Variants in PXDNL observed in about 807,000 individuals in gnomAD.
PXDNL encodes the protein probable oxidoreductase PXDNL.
PXDNL carries 145 observed loss-of-function variants against 150.8 expected under a neutral mutation model. That is an observed-to-expected ratio of 0.96 (90% CI 0.84 to 1.10). PXDNL has a LOEUF of 1.10. Ranked by LOEUF, PXDNL falls within the 50% of genes least tolerant of loss-of-function variation. PXDNL has a pLI of 0.00. For missense variants in PXDNL, 2,087 were observed against 1,873.9 expected (o/e 1.11, Z -2.10); for synonymous variants, 757 against 725.7 (o/e 1.04, Z -0.69).
At chr8:51,436,193 A>G (rs1809403454) in intron 12 of PXDNL, 2 of 522,436 alleles carry the variant, frequency 3.8e-6, no homozygotes, top group African/African-American at 1.9e-5. Context: ...TATCATCCCA[A>G]AAGCCAACCA....
chr8:51,515,245 A>G (rs1811510816), intron 4 of PXDNL, among the ~76,000 whole-genome samples: 1 of 152,142 alleles, frequency 6.6e-6, no homozygotes, highest in Admixed American at 6.5e-5. Context: ...TCAGTGGAAG[A>G]GAGCTTAGAT....
chr8:51,497,920 C>A (rs992787890), intron 5 of PXDNL, among the ~76,000 whole-genome samples: 3 of 152,150 alleles, frequency 2.0e-5, no homozygotes, highest in African/African-American at 7.2e-5. Flanking sequence ...ACCCAGCCAT[C>A]CCATTACTGG....
At chr8:51,730,238 C>T (rs1027133067) in intron 1 of PXDNL, among the ~76,000 whole-genome samples, 2 of 152,078 alleles carry the variant, frequency 1.3e-5, no homozygotes, top group Non-Finnish European at 2.9e-5. Context: ...CTGTACTGTC[C>T]ACTCAATTTT....
In PXDNL at chr8:51,583,607, C is replaced by A. The variant is rs138838286; in HGVS notation, c.308+9020G>T. ...AAAATAAATGAATAATGTTCCTCTA[C>A]TATATCAGTTCATAGATTTTATGAG... On this transcript the variant is annotated intron_variant, in intron 3 of 22. Transcript: ENST00000356297. 2.4e-3 allele frequency among the ~76,000 whole-genome samples: 361 copies of A among 152,224 alleles called. 13 individuals are homozygous for A. In the East Asian group the frequency reaches 0.033, roughly 14 times the overall value.
chr8:51,738,669 A>T (rs1227886546), intron 1 of PXDNL, among the ~76,000 whole-genome samples: 13 of 152,186 alleles, frequency 8.5e-5, no homozygotes, highest in Non-Finnish European at 1.9e-4. Flanking sequence ...AAAAAATCAC[A>T]AACTACCAAA....
At chr8:51,639,470 A>G (rs1380321432) in intron 2 of PXDNL, among the ~76,000 whole-genome samples, 1 of 152,196 alleles carries the variant, frequency 6.6e-6, no homozygotes, top group Non-Finnish European at 1.5e-5. Context: ...ACTAATAAAG[A>G]AGAAAAGAGA....
intron 17 of PXDNL, among the ~76,000 whole-genome samples, chr8:51,398,506 G>A (rs1048572070): frequency 5.3e-5 from 8 of 152,230 alleles, no homozygotes; most frequent in African/African-American, 1.4e-4. Flanking sequence ...CAGCCAGACA[G>A]CAGCTTGCCA....
At chr8:51,443,310 G>T (rs1026999425) in intron 12 of PXDNL, among the ~76,000 whole-genome samples, 1 of 151,998 alleles carries the variant, frequency 6.6e-6, no homozygotes, top group Non-Finnish European at 1.5e-5. Flanking sequence ...ACACATGAGG[G>T]ATATGAAGAC....
In PXDNL at chr8:51,608,570, G is replaced by T. The variant is rs530275522; in HGVS notation, c.237-15872C>A. Among the ~76,000 whole-genome samples, 135 of 148,088 alleles carry T rather than the reference G, an allele frequency of 9.1e-4. 5 individuals are homozygous for T. The South Asian group carries it at 0.011, about 13-fold the overall frequency. ...AAAGTATTGCAGGCCGGGCGCGGTG[G>T]CTCACGCCTGTAATCCCAGCACTTT... On this transcript the variant is annotated intron_variant, in intron 2 of 22. Coordinates refer to ENST00000356297, the MANE Select transcript of PXDNL (RefSeq NM_144651.5).
In PXDNL at chr8:51,319,744, G is replaced by A. The variant is rs918478186; in HGVS notation, c.*147C>T. The stretch of plus-strand genomic sequence containing the variant: ...TTAGAAAATGAAAAAATAAAAGATC[G>A]TAAGTATATGTAAGATTAGATGAAC... On this transcript the variant is annotated 3_prime_UTR_variant, in exon 23 of 23. Coordinates refer to ENST00000356297, the MANE Select transcript of PXDNL (RefSeq NM_144651.5). 1.1e-5 allele frequency: 6 copies of A among 530,178 alleles called. No homozygotes were observed. The highest frequency in any genetic ancestry group is 2.0e-5 in the African/African-American group (1 of 50,656). The allele number at this position is 530,178 out of a possible 1,614,324, so 32.8% of individuals were successfully genotyped here.
At chr8:51,470,287 T>A (rs1209007582) in intron 8 of PXDNL, among the ~76,000 whole-genome samples, 1 of 152,128 alleles carries the variant, frequency 6.6e-6, no homozygotes, top group Non-Finnish European at 1.5e-5. Context: ...ACAAGCTATT[T>A]TTAACCTACA....
chr8:51,398,113 A>C (rs1023439086), intron 17 of PXDNL, among the ~76,000 whole-genome samples: 47 of 152,238 alleles, frequency 3.1e-4, no homozygotes, highest in Admixed American at 6.5e-5. Flanking sequence ...AACATGTGTG[A>C]GCCCACAGCT....
chr8:51,493,817 A>G (rs1017074451), intron 5 of PXDNL, among the ~76,000 whole-genome samples: 2 of 152,364 alleles, frequency 1.3e-5, no homozygotes, highest in Admixed American at 6.5e-5. Context: ...AGTGTACCTG[A>G]AAGTGACAGG....
At chr8:51,553,989 A>G (rs1238673582) in intron 4 of PXDNL, among the ~76,000 whole-genome samples, 2 of 152,154 alleles carry the variant, frequency 1.3e-5, no homozygotes, top group African/African-American at 4.8e-5. Flanking sequence ...TACTTCAAAG[A>G]TGTATTGTGA....
At chr8:51,594,126 A>T (rs1326343052) in intron 2 of PXDNL, among the ~76,000 whole-genome samples, 1 of 152,218 alleles carries the variant, frequency 6.6e-6, no homozygotes, top group Non-Finnish European at 1.5e-5. Flanking sequence ...TATTCTGTCC[A>T]CCTTAGTCTA....
intron 19 of PXDNL, among the ~76,000 whole-genome samples, chr8:51,356,298 G>A (rs1440070955): frequency 2.0e-5 from 3 of 152,120 alleles, no homozygotes; most frequent in African/African-American, 7.2e-5. Context: ...AGACCAGCCT[G>A]GCCAACATGG....
chr8:51,455,344 A>T (rs1319759086), intron 9 of PXDNL, among the ~76,000 whole-genome samples: 1 of 152,024 alleles, frequency 6.6e-6, no homozygotes, highest in Non-Finnish European at 1.5e-5. Context: ...CAAACACAGG[A>T]TGCTGTGGGT....
chr8:51,496,327 T>C (rs1332216546), intron 5 of PXDNL, among the ~76,000 whole-genome samples: 1 of 152,224 alleles, frequency 6.6e-6, no homozygotes, highest in Non-Finnish European at 1.5e-5. Context: ...AATATCATAC[T>C]GAATGGGCAA....
intron 1 of PXDNL, among the ~76,000 whole-genome samples, chr8:51,705,292 C>T (rs548437588): frequency 1.3e-5 from 2 of 152,324 alleles, no homozygotes; most frequent in African/African-American, 4.8e-5. Flanking sequence ...GAGAATAGCC[C>T]TCATTTTTTC....
Sources: gnomAD v4.1 joint callset for allele counts (sites outside exome capture counted in the v4.1 genomes callset) on GRCh38, gnomAD v4.1.1 for gene constraint, MANE v1.5 for transcripts, NCBI Gene and HGNC (gene_info 2026-07-23, HGNC 2026-07-21) for gene names.